Variants in ATP11B observed in about 807,000 individuals in gnomAD.
The protein encoded by ATP11B is phospholipid-transporting ATPase IF.
A neutral mutation model predicts 157.8 loss-of-function variants in ATP11B; 81 were observed. The ratio of observed to expected loss-of-function variants is 0.51; its 90% confidence interval spans 0.43 to 0.62. ATP11B has a LOEUF of 0.62. ATP11B is among the 20% of genes least tolerant of loss of function. ATP11B has a pLI of 0.00. For synonymous variants in ATP11B, 451 were observed against 469.4 expected (o/e 0.96, Z 0.51); for missense variants, 1,165 against 1,402.2 (o/e 0.83, Z 2.70).
At chr3:182,847,364 G>C (rs575850054) in intron 9 of ATP11B, among the ~76,000 whole-genome samples, 3 of 152,038 alleles carry the variant, frequency 2.0e-5, no homozygotes, top group African/African-American at 7.3e-5. Context: ...TAGTAACTTC[G>C]TCACTCCTGT....
intron 1 of ATP11B, among the ~76,000 whole-genome samples, chr3:182,819,610 T>A (rs189658937): frequency 2.4e-4 from 36 of 152,338 alleles, no homozygotes; most frequent in Non-Finnish European, 3.8e-4. Flanking sequence ...TATTCATATC[T>A]CTATTTCAGT....
intron 1 of ATP11B, among the ~76,000 whole-genome samples, chr3:182,806,042 G>T (rs754498420): frequency 4.0e-5 from 6 of 151,864 alleles, no homozygotes; most frequent in African/African-American, 7.3e-5. Flanking sequence ...TTTTATTCTT[G>T]CTGAATAACT....
intron 21 of ATP11B, among the ~76,000 whole-genome samples, chr3:182,882,341 T>C (rs892509309): frequency 2.6e-4 from 40 of 152,252 alleles, no homozygotes; most frequent in East Asian, 1.3e-3. Context: ...ATAAAAAAAA[T>C]TACAGTATTT....
chr3:182,844,993 TA>T (rs372932050), intron 8 of ATP11B, among the ~76,000 whole-genome samples: 5,736 of 103,634 alleles, frequency 0.055, 449 homozygotes, highest in African/African-American at 0.18. Context: ...TTTTTTTTTT[TA>T]TTTTTTTTTT....
intron 28 of ATP11B, chr3:182,902,485 A>T: frequency 2.4e-5 from 31 of 1,288,710 alleles, no homozygotes; most frequent in Non-Finnish European, 3.1e-5. Context: ...TTATAGATGT[A>T]CTCCAACACA....
At chr3:182,915,938 G>A (rs1353809253) in intron 29 of ATP11B, 6 of 981,084 alleles carry the variant, frequency 6.1e-6, no homozygotes, top group Non-Finnish European at 4.8e-6. Context: ...TGCCCTTCCA[G>A]GTTTCTCCAA....
rs372312541 is a variant in ATP11B at position 182,921,429 on chromosome 3, A to AT, written c.*3330dup. ...TATGTTTGTAATCATGGTAATTTAG[A>AT]TTTTTATGAGGAATGAGTATCTGGA... On this transcript the variant is annotated 3_prime_UTR_variant, in exon 30 of 30. Coordinates refer to ENST00000323116, the MANE Select transcript of ATP11B (RefSeq NM_014616.3). 645 of 152,262 alleles carry AT rather than the reference A, an allele frequency of 4.2e-3. 7 individuals carry two copies. Among genetic ancestry groups the AT allele is most frequent in the African/African-American group, 0.015 (624 of 41,550 alleles). 9.4% of individuals were successfully genotyped at this position (152,262 alleles called of 1,614,324 possible). A position where few individuals can be genotyped will look rare whatever the true frequency, so the allele number is the denominator to read the frequency against.
chr3:182,885,486 A>T (rs1722738639), intron 22 of ATP11B, among the ~76,000 whole-genome samples: 1 of 152,120 alleles, frequency 6.6e-6, no homozygotes, highest in African/African-American at 2.4e-5. Context: ...CTATAAGATG[A>T]TGGCAGTTTT....
At chr3:182,902,782 C>A (rs1053373917) in intron 28 of ATP11B, among the ~76,000 whole-genome samples, 1 of 151,758 alleles carries the variant, frequency 6.6e-6, no homozygotes, top group Non-Finnish European at 1.5e-5. Flanking sequence ...AAAAATTCAA[C>A]GTGATCACAG....
At chr3:182,904,403 T>C (rs1724183144) in intron 28 of ATP11B, among the ~76,000 whole-genome samples, 1 of 152,210 alleles carries the variant, frequency 6.6e-6, no homozygotes, top group Non-Finnish European at 1.5e-5. Context: ...GGAGAACAAG[T>C]GCCCATATAC....
chr3:182,852,815 A>C (rs944720978), intron 10 of ATP11B, among the ~76,000 whole-genome samples: 2 of 152,240 alleles, frequency 1.3e-5, no homozygotes, highest in Non-Finnish European at 2.9e-5. Context: ...AAATGTACGG[A>C]AAAGGAACCA....
intron 25 of ATP11B, among the ~76,000 whole-genome samples, chr3:182,893,686 C>A (rs1723328561): frequency 6.6e-6 from 1 of 152,168 alleles, no homozygotes; most frequent in African/African-American, 2.4e-5. Context: ...ATAATGACTT[C>A]TTTTCCTCTG....
chr3:182,845,063 G>A (rs1577011165), intron 8 of ATP11B, among the ~76,000 whole-genome samples: 1 of 148,640 alleles, frequency 6.7e-6, no homozygotes, highest in East Asian at 2.0e-4. Context: ...GGAGTGCAGT[G>A]GCGCAATCTC....
intron 10 of ATP11B, among the ~76,000 whole-genome samples, chr3:182,855,331 A>G (rs776567828): frequency 2.0e-5 from 3 of 152,200 alleles, no homozygotes; most frequent in Non-Finnish European, 4.4e-5. Context: ...AAATGGTGCT[A>G]GAACAATTGG....
chr3:182,807,630 C>A (rs1716403665), intron 1 of ATP11B, among the ~76,000 whole-genome samples: 1 of 151,806 alleles, frequency 6.6e-6, no homozygotes, highest in Non-Finnish European at 1.5e-5. Context: ...AAGGTGGTGC[C>A]CATTTTTAAT....
chr3:182,906,904 C>T (rs541286471), intron 28 of ATP11B, among the ~76,000 whole-genome samples: 2 of 151,642 alleles, frequency 1.3e-5, no homozygotes, highest in South Asian at 2.1e-4. Context: ...CTGGCTGACA[C>T]GGTGAAACCC....
intron 17 of ATP11B, among the ~76,000 whole-genome samples, chr3:182,870,084 A>G (rs113604689): frequency 8.7e-6 from 1 of 114,530 alleles, no homozygotes; most frequent in East Asian, 2.2e-4. Context: ...AATGATTGCC[A>G]GGGGCTGGAG....
intron 1 of ATP11B, among the ~76,000 whole-genome samples, chr3:182,817,062 A>C (rs1028769446): frequency 6.6e-6 from 1 of 152,192 alleles, no homozygotes; most frequent in Non-Finnish European, 1.5e-5. Flanking sequence ...CCACAAATGC[A>C]GGCCATTGAC....
At chr3:182,856,481 G>A (rs73050675) in intron 10 of ATP11B, among the ~76,000 whole-genome samples, 18,321 of 152,146 alleles carry the variant, frequency 0.12, 1,238 homozygotes, top group African/African-American at 0.18. Flanking sequence ...AAGGAGACAT[G>A]ACTAGTTTAG....
Sources: allele counts gnomAD v4.1 joint callset (sites outside exome capture counted in the v4.1 genomes callset), GRCh38; gene constraint gnomAD v4.1.1; transcripts MANE v1.5; gene names NCBI Gene and HGNC (gene_info 2026-07-23, HGNC 2026-07-21).